CDX1: variants seen among roughly 807,000 people sequenced by gnomAD.
CDX1 encodes the protein homeobox protein CDX-1.
Under a neutral mutation model 16.9 loss-of-function variants are expected in CDX1, and 9 were observed. The observed-to-expected ratio is 0.53, with a 90% CI of 0.32 to 0.93. The LOEUF is 0.93. CDX1 is among the 40% of genes least tolerant of loss of function. The pLI, the probability that CDX1 is intolerant of heterozygous loss-of-function variation, is 0.04. For synonymous variants in CDX1, 179 were observed against 179.0 expected (o/e 1.00, Z 0.00); for missense variants, 393 against 386.1 (o/e 1.02, Z -0.15).
intron 1 of CDX1, 43 bp downstream of exon 1, chr5:150,167,364 G>A: frequency 1.6e-6 from 2 of 1,218,228 alleles, no homozygotes; most frequent in East Asian, 6.3e-5. Flanking sequence ...ACCTGCAGGT[G>A]CTCGGGCGCG....
chr5:150,167,858 G>A (rs1338432472), intron 1 of CDX1, among the ~76,000 whole-genome samples: 1 of 152,202 alleles, frequency 6.6e-6, no homozygotes, highest in African/African-American at 2.4e-5. Flanking sequence ...GGCCAGACTG[G>A]GGCAAGGGGT....
At chr5:150,167,576 G>T (rs977452338) in intron 1 of CDX1, among the ~76,000 whole-genome samples, 1 of 152,190 alleles carries the variant, frequency 6.6e-6, no homozygotes, top group South Asian at 2.1e-4. Flanking sequence ...GTGCGGAAAT[G>T]CGCCTGCGGC....
intron 1 of CDX1, among the ~76,000 whole-genome samples, chr5:150,167,571 G>A (rs1227641278): frequency 6.6e-6 from 1 of 152,222 alleles, no homozygotes; most frequent in Non-Finnish European, 1.5e-5. Flanking sequence ...GCGAAGTGCG[G>A]AAATGCGCCT....
intron 1 of CDX1, among the ~76,000 whole-genome samples, chr5:150,179,114 G>A (rs143030893): frequency 9.2e-5 from 14 of 152,272 alleles, no homozygotes; most frequent in Admixed American, 4.6e-4. Context: ...GCTAGATATC[G>A]CCAAGTTGGG....
Position 150,182,705 on chromosome 5 carries a change from G to A in CDX1, c.446-63G>A, listed in dbSNP as rs529876656. 32 of 1,479,668 alleles carry A rather than the reference G, an allele frequency of 2.2e-5. No homozygotes were observed. In the Admixed American group the frequency reaches 3.1e-4, roughly 14 times the overall value. The allele number at this position is 1,479,668 out of a possible 1,614,324, so 91.7% of individuals were successfully genotyped here. On this transcript the variant is annotated intron_variant, in intron 1 of 2. Coordinates refer to ENST00000231656, the MANE Select transcript of CDX1 (RefSeq NM_001804.3). ...TGTCTTCCTCCTGGGGGTCCTGCCTGGGCCTTTTTTGTAGCCTCCTCCTCT... is the reference window on the plus strand; with the variant it reads ...TGTCTTCCTCCTGGGGGTCCTGCCTAGGCCTTTTTTGTAGCCTCCTCCTCT...
chr5:150,175,848 G>A (rs1034363848), intron 1 of CDX1, among the ~76,000 whole-genome samples: 3 of 152,352 alleles, frequency 2.0e-5, no homozygotes, highest in East Asian at 3.9e-4. Flanking sequence ...CCCATTAGGC[G>A]ACATTCCTCT....
At chr5:150,180,496 C>T (rs1184379383) in intron 1 of CDX1, among the ~76,000 whole-genome samples, 1 of 152,122 alleles carries the variant, frequency 6.6e-6, no homozygotes, top group Non-Finnish European at 1.5e-5. Context: ...TGCCAAGCTG[C>T]GTGGGCTTGG....
intron 1 of CDX1, among the ~76,000 whole-genome samples, chr5:150,182,081 C>T (rs1752450989): frequency 6.6e-6 from 1 of 152,206 alleles, no homozygotes; most frequent in African/African-American, 2.4e-5. Flanking sequence ...CATCCCCAGG[C>T]ATTCGGCAAG....
intron 1 of CDX1, among the ~76,000 whole-genome samples, chr5:150,168,213 G>A (rs1320430234): frequency 1.3e-5 from 2 of 152,172 alleles, no homozygotes; most frequent in Admixed American, 6.5e-5. Context: ...CCTTGGGGGC[G>A]GGAAGCTGGC....
chr5:150,168,004 G>A (rs1761456837), intron 1 of CDX1, among the ~76,000 whole-genome samples: 1 of 152,164 alleles, frequency 6.6e-6, no homozygotes, highest in Non-Finnish European at 1.5e-5. Flanking sequence ...TCTCTGATCC[G>A]CCCTCTTCAA....
chr5:150,183,960 G>A lies in CDX1; in HGVS notation c.*280G>A. On this transcript the variant is annotated 3_prime_UTR_variant, in exon 3 of 3. Coordinates refer to ENST00000231656, the MANE Select transcript of CDX1 (RefSeq NM_001804.3). ...CATCTCAAGCCCCAAATGGTTGGGG[G>A]AGGGGCCTAGACAAGGCTCCAGGCC... 2 of 309,278 alleles carry A rather than the reference G, an allele frequency of 6.5e-6. No individual in the cohort carries two copies. 19.2% of individuals were successfully genotyped at this position (309,278 alleles called of 1,614,324 possible). A position where few individuals can be genotyped will look rare whatever the true frequency, so the allele number is the denominator to read the frequency against.
chr5:150,172,641 G>C (rs1761521608), intron 1 of CDX1, among the ~76,000 whole-genome samples: 1 of 152,204 alleles, frequency 6.6e-6, no homozygotes, highest in African/African-American at 2.4e-5. Flanking sequence ...GGCCAGGCAG[G>C]GGATGTACTG....
chr5:150,174,165 C>T (rs1761539976), intron 1 of CDX1, among the ~76,000 whole-genome samples: 1 of 152,232 alleles, frequency 6.6e-6, no homozygotes, highest in South Asian at 2.1e-4. Context: ...GAGCCCCTCA[C>T]TGCAGCCCCA....
chr5:150,166,822 C>A lies in CDX1; in HGVS notation c.-55C>A, dbSNP rs1424266081. ...GGTGAGCGGTTGCTCGTCGTCGGGGCGGCCGGCAGCGGCGGCTCCAGGGCC... is the reference window on the plus strand; with the variant it reads ...GGTGAGCGGTTGCTCGTCGTCGGGGAGGCCGGCAGCGGCGGCTCCAGGGCC... On this transcript the variant is annotated 5_prime_UTR_variant, in exon 1 of 3. Coordinates refer to ENST00000231656, the MANE Select transcript of CDX1 (RefSeq NM_001804.3). 3 of 1,268,968 alleles carry A rather than the reference C, an allele frequency of 2.4e-6. No homozygotes were observed. Among genetic ancestry groups the A allele is most frequent in the East Asian group, 3.2e-5 (1 of 31,658 alleles). The allele number at this position is 1,268,968 out of a possible 1,614,324, so 78.6% of individuals were successfully genotyped here.
In CDX1 at chr5:150,175,414, C is replaced by G. The variant is rs570465338; in HGVS notation, c.446-7354C>G. Reference sequence around the variant, plus strand: ...GGGCAGCAGATGATGCAAAGGTGGCCCTGGAGGAGGAGGGTGCAGAGATGA... The same window carrying G: ...GGGCAGCAGATGATGCAAAGGTGGCGCTGGAGGAGGAGGGTGCAGAGATGA... On this transcript the variant is annotated intron_variant, in intron 1 of 2. Coordinates refer to ENST00000231656, the MANE Select transcript of CDX1 (RefSeq NM_001804.3). Among the ~76,000 whole-genome samples, 12 of 152,190 alleles carry G rather than the reference C, an allele frequency of 7.9e-5. No homozygotes were observed. The East Asian group carries it at 2.3e-3, about 29-fold the overall frequency.
At chr5:150,167,383 C>A in intron 1 of CDX1, 62 bp downstream of exon 1, 1 of 1,144,598 alleles carries the variant, frequency 8.7e-7, no homozygotes, top group Non-Finnish European at 1.1e-6. Context: ...CGGCCCAGGC[C>A]GCCCCCTGTC....
At chr5:150,181,782 C>G (rs1360958810) in intron 1 of CDX1, among the ~76,000 whole-genome samples, 1 of 152,140 alleles carries the variant, frequency 6.6e-6, no homozygotes, top group Admixed American at 6.5e-5. Flanking sequence ...CATCATCTCC[C>G]TCCCCTAGAA....
At position 150,166,826 on chromosome 5, in the gene CDX1, C is replaced by T. The variant is rs1437644069; in HGVS notation, c.-51C>T. ...AGCGGTTGCTCGTCGTCGGGGCGGC[C>T]GGCAGCGGCGGCTCCAGGGCCCAGC... On this transcript the variant is annotated 5_prime_UTR_variant, in exon 1 of 3. Transcript: ENST00000231656. The T allele has an allele frequency of 1.5e-6, 2 of 1,300,776 alleles. No individual in the cohort carries two copies. The highest frequency in any genetic ancestry group is 3.6e-5 in the Admixed American group (1 of 27,450). 80.6% of individuals were successfully genotyped at this position (1,300,776 alleles called of 1,614,324 possible).
intron 1 of CDX1, among the ~76,000 whole-genome samples, chr5:150,171,057 G>A (rs1185381722): frequency 1.3e-5 from 2 of 152,104 alleles, no homozygotes; most frequent in African/African-American, 4.8e-5. Flanking sequence ...ATGAGACTGT[G>A]GGAGCAAGGT....
Sources: allele counts gnomAD v4.1 joint callset (sites outside exome capture counted in the v4.1 genomes callset), GRCh38; gene constraint gnomAD v4.1.1; transcripts MANE v1.5; gene names NCBI Gene and HGNC (gene_info 2026-07-23, HGNC 2026-07-21).